Variants in KALRN observed in about 807,000 individuals in gnomAD.
KALRN encodes kalirin RhoGEF kinase, also known as kalirin.
KALRN carries 70 observed loss-of-function variants against 353.7 expected under a neutral mutation model. The ratio of observed to expected loss-of-function variants is 0.20; its 90% confidence interval spans 0.16 to 0.24. KALRN has a LOEUF of 0.24. Among genes scored for constraint, KALRN ranks in the 10% least tolerant of loss-of-function variants. The probability of loss-of-function intolerance (pLI) is 1.00; values close to 1 mark genes in which losing one functional copy is unlikely to be tolerated. For synonymous variants in KALRN, 1,391 were observed against 1,434.8 expected (o/e 0.97, Z 0.69); for missense variants, 2,791 against 3,756.7 (o/e 0.74, Z 6.72).
intron 1 of KALRN, among the ~76,000 whole-genome samples, chr3:124,061,148 C>A (rs985759478): frequency 2.6e-5 from 4 of 152,184 alleles, no homozygotes; most frequent in Non-Finnish European, 2.9e-5. Context: ...GGCAGATACA[C>A]GAGGGGAATT....
intron 51 of KALRN, among the ~76,000 whole-genome samples, chr3:124,690,398 C>T (rs142660929): frequency 6.1e-4 from 93 of 152,172 alleles, no homozygotes; most frequent in African/African-American, 2.1e-3. Context: ...CTTCTATGAC[C>T]GTAGTCCAGA....
chr3:124,613,020 A>G (rs544113878), intron 34 of KALRN, among the ~76,000 whole-genome samples: 3 of 152,350 alleles, frequency 2.0e-5, no homozygotes, highest in Admixed American at 2.0e-4. Context: ...GGATATCTGC[A>G]GGGATGCCTG....
chr3:124,575,806 C>T (rs1350131494), intron 34 of KALRN, among the ~76,000 whole-genome samples: 1 of 152,188 alleles, frequency 6.6e-6, no homozygotes, highest in Non-Finnish European at 1.5e-5. Flanking sequence ...TTTAAGAACA[C>T]CCACCATTAC....
chr3:124,531,092 A>T lies in KALRN; in HGVS notation c.4936-31751A>T, dbSNP rs2068006868. Among the ~76,000 whole-genome samples, 4 of 152,186 alleles carry T rather than the reference A, an allele frequency of 2.6e-5. No homozygotes were observed. The South Asian group carries it at 6.2e-4, about 24-fold the overall frequency. On this transcript the variant is annotated intron_variant, in intron 33 of 59. Coordinates refer to ENST00000682506, the MANE Select transcript of KALRN (RefSeq NM_001388419.1). ...AGTTGCCAGTTACCATCCCAGACAG[A>T]AAGATAATTCTGAATGTTCTTACTC...
intron 14 of KALRN, among the ~76,000 whole-genome samples, chr3:124,420,306 A>G (rs961216946): frequency 1.3e-5 from 2 of 152,246 alleles, no homozygotes; most frequent in Non-Finnish European, 2.9e-5. Flanking sequence ...GAGGCTCACA[A>G]AGAAAGACAT....
Position 124,446,882 on chromosome 3 carries a change from C to T in KALRN, c.3549C>T (p.Ala1183=). 6.2e-7 allele frequency: 1 copy of T among 1,614,010 alleles called. No homozygotes were observed. The change falls in exon 21 of 60, where the codon GCC becomes GCT. Residue 1183 remains alanine (A), a synonymous_variant. Transcript: ENST00000682506. ...AATATGGGGAATTCAGGGTGCCTGC[C>T]AAGGTAGGAAACATCCCAGAGCCTC... is the stretch of plus-strand genomic sequence containing the variant. The part of the protein sequence containing the change: ...LKEYGEFRVP[A]KQTKEKVKLL...
intron 1 of KALRN, chr3:124,094,294 C>G (rs1028072603): frequency 6.0e-6 from 1 of 167,134 alleles, no homozygotes; most frequent in Non-Finnish European, 1.3e-5. Context: ...GTCCTGCAGT[C>G]TTGGGCAAGG....
intron 32 of KALRN, among the ~76,000 whole-genome samples, chr3:124,495,995 A>G (rs1179289378): frequency 1.3e-4 from 8 of 62,262 alleles, no homozygotes; most frequent in East Asian, 6.7e-4. Flanking sequence ...ATATATATAT[A>G]TATATATATA....
intron 16 of KALRN, among the ~76,000 whole-genome samples, chr3:124,433,615 AAG>A (rs1560925172): frequency 2.8e-5 from 4 of 141,880 alleles, no homozygotes; most frequent in African/African-American, 6.0e-5. Flanking sequence ...AAAAAAAAAA[AAG>A]GAAAGAAAAT....
At chr3:124,420,383 C>T (rs1380907018) in intron 14 of KALRN, among the ~76,000 whole-genome samples, 3 of 152,194 alleles carry the variant, frequency 2.0e-5, no homozygotes, top group Non-Finnish European at 2.9e-5. Context: ...ACAACAAATC[C>T]GCATCAAGAC....
intron 51 of KALRN, 113 bp downstream of exon 51, chr3:124,679,630 G>A (rs1051010542): frequency 6.9e-6 from 6 of 865,008 alleles, no homozygotes; most frequent in African/African-American, 3.3e-5. Flanking sequence ...TGTGATGTTG[G>A]GGCATCTCTG....
At chr3:124,521,287 G>C (rs994624737) in intron 33 of KALRN, among the ~76,000 whole-genome samples, 12 of 152,220 alleles carry the variant, frequency 7.9e-5, no homozygotes, top group Non-Finnish European at 1.3e-4. Flanking sequence ...AACAGTCCCT[G>C]TTCTCACAGA....
At position 124,658,465 on chromosome 3, in the gene KALRN, A is replaced by G. The variant is rs2084376232; in HGVS notation, c.6071A>G (p.Gln2024Arg). The change falls in exon 42 of 60, where the codon CAG becomes CGG. Residue 2024 changes from glutamine (Q) to arginine (R), a missense_variant. Physicochemically the swap from Gln to Arg is conservative, Grantham distance 43 (BLOSUM62 1). Around this residue, in one of 11 missense-constraint regions of KALRN, gnomAD observed 1,065 missense variants for 1,156.4 expected, o/e 0.92. Transcript: ENST00000682506. ...CTGCACATCTACGTGTGGTATTGTC[A>G]GAATAAGCCGCGCTCAGAGTACATC... ...RKLHIYVWYC[Q>R]NKPRSEYIVA... 1 of 1,614,138 alleles carries G rather than the reference A, an allele frequency of 6.2e-7. No individual in the cohort carries two copies.
chr3:124,550,435 A>G (rs1457131523), intron 33 of KALRN, among the ~76,000 whole-genome samples: 1 of 152,110 alleles, frequency 6.6e-6, no homozygotes, highest in Non-Finnish European at 1.5e-5. Flanking sequence ...TAGGAATTTC[A>G]TCCAGGAAAC....
At chr3:124,567,968 C>G (rs897242562) in intron 34 of KALRN, among the ~76,000 whole-genome samples, 3 of 151,398 alleles carry the variant, frequency 2.0e-5, no homozygotes, top group African/African-American at 7.3e-5. Flanking sequence ...GAGTGAGACT[C>G]TATCTCAGGG....
chr3:124,043,037 C>A (rs2040111935), intron 1 of KALRN, among the ~76,000 whole-genome samples: 1 of 152,060 alleles, frequency 6.6e-6, no homozygotes, highest in South Asian at 2.1e-4. Context: ...CAGGAGAGAG[C>A]AATACTTGGG....
chr3:124,679,695 T>C, intron 51 of KALRN, 178 bp downstream of exon 51: 1 of 704,846 alleles, frequency 1.4e-6, no homozygotes. Context: ...CAGTTCAGTG[T>C]TGGTAGAAAA....
At chr3:124,104,242 T>G (rs2062103206) in intron 1 of KALRN, among the ~76,000 whole-genome samples, 1 of 152,344 alleles carries the variant, frequency 6.6e-6, no homozygotes, top group Admixed American at 6.5e-5. Context: ...AACAAATGTC[T>G]TCTAAGGTCC....
Position 124,515,706 on chromosome 3 carries a change from C to T in KALRN, c.4935+19293C>T, listed in dbSNP as rs369459289. ...TTTCTCAAAGAAGAGAAATTACTGG[C>T]ATTTCAAAAAAAAATTTAATGGTCT... On this transcript the variant is annotated intron_variant, in intron 33 of 59. Transcript: ENST00000682506. Among the ~76,000 whole-genome samples, 25 of 152,174 alleles carry T rather than the reference C, an allele frequency of 1.6e-4. No individual in the cohort carries two copies. In the East Asian group the frequency reaches 2.9e-3, roughly 18 times the overall value.
Sources: gnomAD v4.1 joint callset for allele counts (sites outside exome capture counted in the v4.1 genomes callset) on GRCh38, gnomAD v4.1.1 for gene constraint, gnomAD v4.1.1 regional missense constraint, MANE v1.5 for transcripts, NCBI Gene and HGNC (gene_info 2026-07-23, HGNC 2026-07-21) for gene names.